Variants in SYNPO observed in about 807,000 individuals in gnomAD.
SYNPO encodes synaptopodin.
In SYNPO, 19 loss-of-function variants were observed where a neutral mutation model predicts 49.5. The ratio of observed to expected loss-of-function variants is 0.38; its 90% CI spans 0.27 to 0.56. SYNPO has a LOEUF of 0.56. Among genes scored for constraint, SYNPO ranks in the 20% least tolerant of loss-of-function variants. The probability of loss-of-function intolerance (pLI) is 0.68; values close to 1 mark genes in which losing one functional copy is unlikely to be tolerated. For missense variants in SYNPO, 1,131 were observed against 1,248.3 expected, an observed-to-expected ratio of 0.91 and a Z score of 1.42; for synonymous variants, 536 against 548.0, an observed-to-expected ratio of 0.98 and a Z score of 0.31.
rs1756818006 is a variant in SYNPO, at chr5:150,610,545, T to C, written c.-265-7558T>C. 2.6e-5 allele frequency among the ~76,000 whole-genome samples: 4 copies of C among 152,206 alleles called. No individual in the cohort carries two copies. In the South Asian group the frequency reaches 6.2e-4, roughly 24 times the overall value. On this transcript the variant is annotated intron_variant, in intron 1 of 2. Coordinates refer to the SYNPO transcript ENST00000394243. ...AGGAAGAAACAAGAAACAAGATTGATACAGTGCCCAGCACATGCTCAATAT... is the reference window on the plus strand; with the variant it reads ...AGGAAGAAACAAGAAACAAGATTGACACAGTGCCCAGCACATGCTCAATAT...
chr5:150,651,880 G>A, intron 2 of SYNPO: 2 of 1,000,496 alleles, frequency 2.0e-6, no homozygotes, highest in Non-Finnish European at 1.2e-6. Context: ...GACCAAACCA[G>A]GCTTTGTGGG....
chr5:150,607,849 A>G (rs144837621), intron 1 of SYNPO, among the ~76,000 whole-genome samples: 2,788 of 152,298 alleles, frequency 0.018, 89 homozygotes, highest in African/African-American at 0.064. Context: ...AACTCCAAAT[A>G]GCGTCATGTT....
chr5:150,586,173 G>A, the SYNPO span, among the ~76,000 whole-genome samples: 3 of 152,238 alleles, frequency 2.0e-5, no homozygotes, highest in African/African-American at 7.2e-5. Flanking sequence ...TGGTGGGGCT[G>A]GAAAATCGGG....
At chr5:150,620,008 A>G (rs1029632637) in intron 2 of SYNPO, among the ~76,000 whole-genome samples, 2 of 152,146 alleles carry the variant, frequency 1.3e-5, no homozygotes, top group African/African-American at 4.8e-5. Context: ...TCAGTCTCCT[A>G]CAGTCTGAAG....
upstream of SYNPO, among the ~76,000 whole-genome samples, chr5:150,600,010 C>T (rs538374172): frequency 8.5e-5 from 13 of 152,270 alleles, no homozygotes; most frequent in Middle Eastern, 3.4e-3. Context: ...AACAGCTTGC[C>T]GGCAAAACCT....
chr5:150,586,046 A>G, the SYNPO span, among the ~76,000 whole-genome samples: 1 of 152,222 alleles, frequency 6.6e-6, no homozygotes, highest in Admixed American at 6.5e-5. Flanking sequence ...CCAGGCTCTG[A>G]AGGTCCTCAG....
chr5:150,656,844 C>T lies in SYNPO; in HGVS notation c.2469C>T (p.Ile823=), dbSNP rs1376325224. 2.6e-6 allele frequency: 4 copies of T among 1,551,576 alleles called. No individual in the cohort carries two copies. Among genetic ancestry groups the T allele is most frequent in the Non-Finnish European group, 3.5e-6 (4 of 1,151,552 alleles). The part of the protein sequence containing the change: ...AAVPGAAFAP[I]PRSPLPAGPS... ...TGCCGGGGGCAGCCTTCGCGCCCATCCCGCGGAGCCCGTTGCCCGCCGGTC... is the reference window on the plus strand; with the variant it reads ...TGCCGGGGGCAGCCTTCGCGCCCATTCCGCGGAGCCCGTTGCCCGCCGGTC... The change falls in exon 3 of 3, where the codon ATC becomes ATT. Residue 823 remains isoleucine (I), a synonymous_variant. Coordinates refer to ENST00000307662, the MANE Select transcript of SYNPO (RefSeq NM_007286.6).
chr5:150,600,721 G>A (rs1274188426), upstream of SYNPO, among the ~76,000 whole-genome samples: 3 of 152,122 alleles, frequency 2.0e-5, no homozygotes, highest in Admixed American at 6.5e-5. Context: ...AGGGAGCCCC[G>A]AGTCCTCCAA....
chr5:150,607,462 C>T (rs993319528), intron 1 of SYNPO, among the ~76,000 whole-genome samples: 10 of 152,146 alleles, frequency 6.6e-5, no homozygotes, highest in Non-Finnish European at 1.3e-4. Flanking sequence ...TATTGAGGCA[C>T]GTAATAACCC....
At chr5:150,619,509 T>A (rs541041065) in intron 2 of SYNPO, among the ~76,000 whole-genome samples, 8 of 152,086 alleles carry the variant, frequency 5.3e-5, no homozygotes, top group Non-Finnish European at 1.2e-4. Context: ...ATGATGATAA[T>A]TTTCCTGCAG....
rs1252113670 is a variant in SYNPO at position 150,640,726 on chromosome 5, C to T, written c.-461C>T. ...ACATCCAGCTCCTTCATGTTGCTGCCGATGTGGGATTTTCCTGGCTTCGTC... is the reference window on the plus strand; with the variant it reads ...ACATCCAGCTCCTTCATGTTGCTGCTGATGTGGGATTTTCCTGGCTTCGTC... On this transcript the variant is annotated 5_prime_UTR_variant, in exon 1 of 3. Coordinates refer to ENST00000307662, the MANE Select transcript of SYNPO (RefSeq NM_007286.6). The T allele has an allele frequency of 7.1e-6, 7 of 985,432 alleles. No individual in the cohort carries two copies. The highest frequency in any genetic ancestry group is 6.2e-5 in the Admixed American group (1 of 16,260). The allele number at this position is 985,432 out of a possible 1,614,324, so 61.0% of individuals were successfully genotyped here. A position where few individuals can be genotyped will look rare whatever the true frequency, so the allele number is the denominator to read the frequency against.
upstream of SYNPO, among the ~76,000 whole-genome samples, chr5:150,596,774 G>A (rs1312872838): frequency 1.3e-5 from 2 of 152,174 alleles, no homozygotes; most frequent in African/African-American, 4.8e-5. Flanking sequence ...GGACCCAGAA[G>A]AGGCTGCCAT....
upstream of SYNPO, among the ~76,000 whole-genome samples, chr5:150,635,913 T>G (rs1482206719): frequency 2.0e-5 from 3 of 152,228 alleles, no homozygotes; most frequent in East Asian, 5.8e-4. Context: ...TCTCACCTTT[T>G]TCCGTTCTTT....
intron 2 of SYNPO, among the ~76,000 whole-genome samples, chr5:150,630,465 C>A (rs1025353272): frequency 6.6e-6 from 1 of 152,200 alleles, no homozygotes; most frequent in Non-Finnish European, 1.5e-5. Flanking sequence ...TGGCCCTGGC[C>A]TCCTCAGCCA....
intron 1 of SYNPO, among the ~76,000 whole-genome samples, chr5:150,647,535 T>A (rs1377785300): frequency 3.9e-5 from 6 of 152,308 alleles, no homozygotes; most frequent in African/African-American, 1.4e-4. Flanking sequence ...ATACTTGGCA[T>A]TTTCAAGGAA....
At chr5:150,598,643 C>G (rs1756467516), upstream of SYNPO, among the ~76,000 whole-genome samples, 1 of 152,158 alleles carries the variant, frequency 6.6e-6, no homozygotes, top group Admixed American at 6.5e-5. Context: ...GATAAGTATC[C>G]CAGTACCTGG....
chr5:150,624,769 G>A, intron 2 of SYNPO: 2 of 839,168 alleles, frequency 2.4e-6, no homozygotes, highest in South Asian at 5.2e-5. Context: ...CGGCGAGGAG[G>A]GGGCGTCGGG....
chr5:150,602,997 G>GGGGGTGTGTGTGTGT (rs1554106602), intron 1 of SYNPO, among the ~76,000 whole-genome samples: 3 of 131,252 alleles, frequency 2.3e-5, no homozygotes, highest in African/African-American at 8.9e-5. Context: ...GCCACCTTAG[G>GGGGGTGTGTGTGTGT]GTGTGTGTGT....
intron 2 of SYNPO, among the ~76,000 whole-genome samples, chr5:150,654,808 GAGGGTCTTTC>G (rs1335525519): frequency 6.6e-6 from 1 of 152,234 alleles, no homozygotes; most frequent in East Asian, 1.9e-4. Context: ...TTGGGGCTGA[GAGGGTCTTTC>G]CCTAAGTCCA....
Sources: gnomAD v4.1 joint callset for allele counts (sites outside exome capture counted in the v4.1 genomes callset) on GRCh38, gnomAD v4.1.1 for gene constraint, MANE v1.5 for transcripts, NCBI Gene and HGNC (gene_info 2026-07-23, HGNC 2026-07-21) for gene names.